Variants in PCDHGA2 observed in about 807,000 individuals in gnomAD.
The protein encoded by PCDHGA2 is protocadherin gamma subfamily A, 2, also known as protocadherin gamma-A2.
In PCDHGA2, 40 loss-of-function variants were observed where a neutral mutation model predicts 59.2. That is an observed-to-expected ratio of 0.68 (90% CI 0.52 to 0.88). The LOEUF (loss-of-function observed/expected upper bound fraction) is 0.88. PCDHGA2 is among the 40% of genes least tolerant of loss of function. The probability of loss-of-function intolerance (pLI) is 0.00; values close to 1 mark genes in which losing one functional copy is unlikely to be tolerated. For missense variants in PCDHGA2, 1,226 were observed against 1,204.0 expected, an observed-to-expected ratio of 1.02 and a Z score of -0.27; for synonymous variants, 560 against 526.0, an observed-to-expected ratio of 1.06 and a Z score of -0.89.
At chr5:141,384,512 G>A (rs1780165876) in intron 1 of PCDHGA2, 1 of 1,614,062 alleles carries the variant, frequency 6.2e-7, no homozygotes, top group Admixed American at 1.7e-5. Context: ...CATGACAGCG[G>A]GGACCCGCCT....
intron 1 of PCDHGA2, chr5:141,404,222 G>A (rs1407928050): frequency 6.2e-7 from 1 of 1,613,616 alleles, no homozygotes; most frequent in Admixed American, 1.7e-5. Context: ...CACGGTGACT[G>A]CAACAGACAG....
At position 141,490,148 on chromosome 5, in the gene PCDHGA2, A is replaced by G. The variant is rs2154582223; in HGVS notation, c.2425-4659A>G. The G allele has an allele frequency of 1.2e-6, 2 of 1,614,232 alleles. No homozygotes were observed. The highest frequency in any genetic ancestry group is 4.5e-5 in the East Asian group (2 of 44,888). On this transcript the variant is annotated intron_variant, in intron 1 of 3. Coordinates refer to ENST00000394576, the MANE Select transcript of PCDHGA2 (RefSeq NM_018915.4). The surrounding 1 kb of genome is among the most constrained non-coding windows in gnomAD (Gnocchi z 5.4). The stretch of plus-strand genomic sequence containing the variant: ...CTAGACCCTAGCAGTGGGGCAATCC[A>G]TGTGTTGGGTCCCATAGACTTTGAG...
chr5:141,408,287 C>G (rs2095075582), intron 1 of PCDHGA2: 1 of 1,613,354 alleles, frequency 6.2e-7, no homozygotes, highest in African/African-American at 1.3e-5. Flanking sequence ...CTACCCCACC[C>G]TGAGTGAGCC....
intron 1 of PCDHGA2, chr5:141,399,459 C>A (rs897098728): frequency 6.2e-7 from 1 of 1,614,012 alleles, no homozygotes; most frequent in African/African-American, 1.3e-5. Flanking sequence ...TCAACGATAA[C>A]GCTCCGGTTT....
At chr5:141,469,314 C>A (rs982242861) in intron 1 of PCDHGA2, among the ~76,000 whole-genome samples, 1 of 151,982 alleles carries the variant, frequency 6.6e-6, no homozygotes, top group Non-Finnish European at 1.5e-5. Flanking sequence ...CGATGGCTCA[C>A]GCCTGTAATC....
intron 1 of PCDHGA2, chr5:141,416,038 G>T: frequency 5.1e-6 from 1 of 196,894 alleles, no homozygotes; most frequent in Non-Finnish European, 1.0e-5. Flanking sequence ...AATCACCTCT[G>T]GAAACACAAC....
chr5:141,429,374 TG>T (rs2097206438), intron 1 of PCDHGA2, among the ~76,000 whole-genome samples: 1 of 145,410 alleles, frequency 6.9e-6, no homozygotes, highest in South Asian at 2.2e-4. Context: ...ATGGAGAAAA[TG>T]TGTTTTTTTT....
chr5:141,443,478 C>T (rs2098390426), intron 1 of PCDHGA2, among the ~76,000 whole-genome samples: 1 of 152,052 alleles, frequency 6.6e-6, no homozygotes, highest in East Asian at 1.9e-4. Context: ...AGAATTAGAC[C>T]CTGTCCCAAA....
chr5:141,481,053 A>T (rs2099530801), intron 1 of PCDHGA2, among the ~76,000 whole-genome samples: 1 of 152,104 alleles, frequency 6.6e-6, no homozygotes, highest in Non-Finnish European at 1.5e-5. Flanking sequence ...GCGAGACTCC[A>T]CCTCAAAAAC....
chr5:141,356,974 G>A (rs1760414253), intron 1 of PCDHGA2: 25 of 1,614,240 alleles, frequency 1.5e-5, no homozygotes, highest in Non-Finnish European at 2.1e-5. Flanking sequence ...GACCAAAGTG[G>A]TGGCAGTGGA....
intron 1 of PCDHGA2, chr5:141,370,714 A>C: frequency 6.2e-7 from 1 of 1,613,830 alleles, no homozygotes. Context: ...CTGGAATTTG[A>C]AATGGTTGCT....
intron 1 of PCDHGA2, among the ~76,000 whole-genome samples, chr5:141,373,599 T>A (rs1769720123): frequency 6.6e-6 from 1 of 152,236 alleles, no homozygotes; most frequent in Non-Finnish European, 1.5e-5. Flanking sequence ...GTGATGATAA[T>A]TCAAAATTTA....
chr5:141,509,371 T>C (rs2099876508), intron 3 of PCDHGA2, among the ~76,000 whole-genome samples: 1 of 152,258 alleles, frequency 6.6e-6, no homozygotes, highest in South Asian at 2.1e-4. Context: ...AGGTTTTAAC[T>C]GTCTCCTAAC....
At chr5:141,348,821 G>T (rs1026818776) in intron 1 of PCDHGA2, among the ~76,000 whole-genome samples, 1 of 152,144 alleles carries the variant, frequency 6.6e-6, no homozygotes, top group Non-Finnish European at 1.5e-5. Flanking sequence ...AGGCTGTTTC[G>T]AATAGAGTAT....
chr5:141,447,854 G>A (rs1480134238), intron 1 of PCDHGA2, among the ~76,000 whole-genome samples: 1 of 152,200 alleles, frequency 6.6e-6, no homozygotes, highest in Non-Finnish European at 1.5e-5. Flanking sequence ...GGGAGGCCGA[G>A]GTGGGTGAAT....
At chr5:141,503,089 G>C (rs1352372525) in intron 2 of PCDHGA2, among the ~76,000 whole-genome samples, 2 of 151,590 alleles carry the variant, frequency 1.3e-5, no homozygotes, top group Non-Finnish European at 2.9e-5. Context: ...TCCTGACCTC[G>C]TGGTCTGCCC....
chr5:141,398,789 C>G (rs1400897772), intron 1 of PCDHGA2: 5 of 1,613,778 alleles, frequency 3.1e-6, no homozygotes, highest in Non-Finnish European at 4.2e-6. Context: ...GGACATCCAC[C>G]CCTAAGCGGC....
At chr5:141,355,332 G>A (rs557704371) in intron 1 of PCDHGA2, 1 of 1,614,032 alleles carries the variant, frequency 6.2e-7, no homozygotes, top group South Asian at 1.1e-5. Flanking sequence ...AAGGCTCAGT[G>A]GTGGGCAACA....
rs763743728 is a variant in PCDHGA2, at chr5:141,398,890, G to C, written c.2424+57495G>C. On this transcript the variant is annotated intron_variant, in intron 1 of 3. Coordinates refer to ENST00000394576, the MANE Select transcript of PCDHGA2 (RefSeq NM_018915.4). ...GTACAGAGTCAGCCTTCGGGAAAAC[G>C]TGCCACCAGGCACCACTGTGTTGCA... is the stretch of plus-strand genomic sequence containing the variant. 2.5e-6 allele frequency: 4 copies of C among 1,613,920 alleles called. No homozygotes were observed. The South Asian group carries it at 3.3e-5, about 13-fold the overall frequency.
Sources: gnomAD v4.1 joint callset for allele counts (sites outside exome capture counted in the v4.1 genomes callset) on GRCh38, gnomAD v4.1.1 for gene constraint, Gnocchi (gnomAD v3.1) non-coding constraint, MANE v1.5 for transcripts, NCBI Gene and HGNC (gene_info 2026-07-23, HGNC 2026-07-21) for gene names.